The following GFI1B variants were observed in gnomAD, a reference collection of about 807,000 sequenced individuals.
GFI1B encodes the protein zinc finger protein Gfi-1b.
In GFI1B, 20 loss-of-function variants were observed where a neutral mutation model predicts 35.3. That is an observed-to-expected ratio of 0.57 (90% CI 0.40 to 0.82). GFI1B has a LOEUF of 0.82. Among genes scored for constraint, GFI1B ranks in the 40% least tolerant of loss-of-function variants. The pLI, the probability that GFI1B is intolerant of heterozygous loss-of-function variation, is 0.00. For synonymous variants in GFI1B, 178 were observed against 177.6 expected (o/e 1.00, Z -0.02); for missense variants, 430 against 446.3 (o/e 0.96, Z 0.33).
rs1848965259 is a variant in GFI1B at position 132,984,620 on chromosome 9, G to C, written c.-20-2039G>C. 3.3e-5 allele frequency among the ~76,000 whole-genome samples: 5 copies of C among 152,192 alleles called. No homozygotes were observed. In the South Asian group the frequency reaches 1.0e-3, roughly 31 times the overall value. ...TGGGATGCGGGGGAGCACATGCTGA[G>C]CACCTCTCACACTCGCTCCTGATGG... is the stretch of plus-strand genomic sequence containing the variant. On this transcript the variant is annotated intron_variant, in intron 1 of 6. Transcript: ENST00000372122.
At chr9:132,974,780 CAAG>C (rs375987581), upstream of GFI1B, among the ~76,000 whole-genome samples, 24 of 147,642 alleles carry the variant, frequency 1.6e-4, no homozygotes, top group East Asian at 4.1e-3. Flanking sequence ...ACCTGGATGA[CAAG>C]AAGGAGACAG....
intron 1 of GFI1B, among the ~76,000 whole-genome samples, chr9:132,972,278 T>C (rs1304065844): frequency 6.6e-6 from 1 of 151,910 alleles, no homozygotes; most frequent in East Asian, 1.9e-4. Context: ...AGAAATTAGC[T>C]GGGCGTGGTG....
intron 1 of GFI1B, among the ~76,000 whole-genome samples, chr9:132,964,583 A>G (rs750677073): frequency 6.6e-6 from 1 of 152,148 alleles, no homozygotes; most frequent in Non-Finnish European, 1.5e-5. Context: ...AAGATTTTGC[A>G]AAAACCACAA....
chr9:132,957,413 T>G (rs1176885010), intron 1 of GFI1B, among the ~76,000 whole-genome samples: 1 of 152,240 alleles, frequency 6.6e-6, no homozygotes, highest in Non-Finnish European at 1.5e-5. Flanking sequence ...TCTACATGTA[T>G]TAAGTGAAGA....
exon 1 of GFI1B, chr9:132,945,631 T>G (rs961815674): frequency 5.8e-5 from 9 of 154,162 alleles, no homozygotes; most frequent in African/African-American, 2.2e-4. Flanking sequence ...GAAGTCGAAC[T>G]GTGGGATATG....
chr9:132,986,698 T>C lies in GFI1B; in HGVS notation c.20T>C (p.Val7Ala). 1.2e-6 allele frequency: 2 copies of C among 1,611,622 alleles called. No individual in the cohort carries two copies. The highest frequency in any genetic ancestry group is 1.7e-6 in the Non-Finnish European group (2 of 1,178,692). Residue 7 changes from valine to alanine, a missense_variant, in exon 2 of 7, where the codon GTG becomes GCG. Coordinates refer to ENST00000372122, the MANE Select transcript of GFI1B (RefSeq NM_001377304.1). MPRSFL[V>A]KSKKAHTYHQ... ...CTGAAAATGCCACGCTCCTTCCTGGTGAAGAGCAAGAAGGCTCACACCTAC... is the reference window on the plus strand; with the variant it reads ...CTGAAAATGCCACGCTCCTTCCTGGCGAAGAGCAAGAAGGCTCACACCTAC...
chr9:132,963,247 T>G (rs1848395679), intron 1 of GFI1B, among the ~76,000 whole-genome samples: 1 of 151,610 alleles, frequency 6.6e-6, no homozygotes, highest in South Asian at 2.1e-4. Flanking sequence ...TTTGGGAGGC[T>G]GAGGCGGGCA....
At chr9:132,977,376 G>C (rs1252913321), upstream of GFI1B, among the ~76,000 whole-genome samples, 3 of 152,128 alleles carry the variant, frequency 2.0e-5, no homozygotes. Flanking sequence ...ACTGAGGCCT[G>C]GTGACCACAG....
chr9:132,965,365 C>T (rs1848434926), intron 1 of GFI1B, among the ~76,000 whole-genome samples: 2 of 152,092 alleles, frequency 1.3e-5, no homozygotes, highest in Non-Finnish European at 2.9e-5. Context: ...AATGTCAGAC[C>T]CATACAGAAA....
chr9:132,983,674 A>G (rs1034555026), intron 1 of GFI1B, among the ~76,000 whole-genome samples: 18 of 152,202 alleles, frequency 1.2e-4, no homozygotes, highest in Admixed American at 2.6e-4. Flanking sequence ...CAGTTTTCCC[A>G]CCTGCAACCT....
upstream of GFI1B, among the ~76,000 whole-genome samples, chr9:132,978,132 G>A (rs1848687438): frequency 6.6e-6 from 1 of 151,590 alleles, no homozygotes; most frequent in African/African-American, 2.4e-5. Flanking sequence ...AGCGAGGAGG[G>A]AGGCAGGGAA....
chr9:132,952,272 G>A (rs1482487977), intron 1 of GFI1B: 1 of 151,626 alleles, frequency 6.6e-6, no homozygotes, highest in African/African-American at 2.4e-5. Context: ...AGTTTTCTAG[G>A]GATATTATCA....
At chr9:132,959,947 C>T (rs2905082) in intron 1 of GFI1B, among the ~76,000 whole-genome samples, 76,792 of 152,068 alleles carry the variant, frequency 0.5, 21,096 homozygotes, top group South Asian at 0.72. Context: ...TCAAAGACTC[C>T]CTTTCCAAAT....
In GFI1B at chr9:132,991,133, GTCTC is replaced by G; in HGVS notation, c.*84_*87del. 7.9e-7 allele frequency: 1 copy of G among 1,269,158 alleles called. No homozygotes were observed. Among genetic ancestry groups the G allele is most frequent in the Non-Finnish European group, 1.1e-6 (1 of 884,478 alleles). 78.6% of individuals were successfully genotyped at this position (1,269,158 alleles called of 1,614,324 possible). ...CCAGCCTCACATGCCCAAATCTCCA[GTCTC>G]CTGGAGGTGGGACTGGACAGGAGTC... On this transcript the variant is annotated 3_prime_UTR_variant, in exon 7 of 7. Transcript: ENST00000372122.
At chr9:132,959,576 A>G (rs973610726) in intron 1 of GFI1B, among the ~76,000 whole-genome samples, 2 of 152,348 alleles carry the variant, frequency 1.3e-5, no homozygotes, top group Admixed American at 6.5e-5. Flanking sequence ...TGCTATATTC[A>G]TTTCCCAGGG....
rs1021775815 is a variant in GFI1B, at chr9:132,986,726, C to T, written c.48C>T (p.His16=). 3.1e-6 allele frequency: 5 copies of T among 1,613,146 alleles called. No individual in the cohort carries two copies. The highest frequency in any genetic ancestry group is 1.3e-5 in the African/African-American group (1 of 75,042). ...AGAGCAAGAAGGCTCACACCTACCA[C>T]CAGCCCCGTGTGCAGGAAGATGAAC... ...LVKSKKAHTY[H]QPRVQEDEPL... The change falls in exon 2 of 7, where the codon CAC becomes CAT. Residue 16 remains histidine (H), a synonymous_variant. Coordinates refer to ENST00000372122, the MANE Select transcript of GFI1B (RefSeq NM_001377304.1).
At chr9:132,950,372 A>C (rs1848182432) in intron 1 of GFI1B, among the ~76,000 whole-genome samples, 1 of 151,668 alleles carries the variant, frequency 6.6e-6, no homozygotes, top group Non-Finnish European at 1.5e-5. Flanking sequence ...GCATACCTCC[A>C]TTCCTTCCAC....
At chr9:132,950,688 GCACTACACTATACTATACACTA>G (rs1203700390) in intron 1 of GFI1B, among the ~76,000 whole-genome samples, 1 of 80,554 alleles carries the variant, frequency 1.2e-5, no homozygotes, top group East Asian at 2.5e-4. Context: ...TACACACTAT[GCACTACACTATACTATACACTA>G]CACTACACTA....
intron 1 of GFI1B, among the ~76,000 whole-genome samples, chr9:132,963,539 T>C (rs1848401889): frequency 6.6e-6 from 1 of 152,060 alleles, no homozygotes; most frequent in South Asian, 2.1e-4. Context: ...GGAGTCTTGC[T>C]GTCATCCAGG....
Sources: allele counts gnomAD v4.1 joint callset (sites outside exome capture counted in the v4.1 genomes callset), GRCh38; gene constraint gnomAD v4.1.1; transcripts MANE v1.5; gene names NCBI Gene and HGNC (gene_info 2026-07-23, HGNC 2026-07-21).